Variants in PCED1B observed in about 807,000 individuals in gnomAD.
PCED1B encodes the protein PC-esterase domain containing 1B.
For synonymous variants in PCED1B, 251 were observed against 246.1 expected (o/e 1.02, Z -0.19); for missense variants, 573 against 573.9 (o/e 1.00, Z 0.02).
chr12:47,162,130 GA>G (rs758323611), intron 2 of PCED1B, among the ~76,000 whole-genome samples: 8 of 150,786 alleles, frequency 5.3e-5, no homozygotes, highest in South Asian at 4.2e-4. Context: ...GTGGGGGGGG[GA>G]AGGATAGCAT....
chr12:47,083,287 G>T (rs1269565584), intron 1 of PCED1B, among the ~76,000 whole-genome samples: 1 of 151,902 alleles, frequency 6.6e-6, no homozygotes, highest in Non-Finnish European at 1.5e-5. Flanking sequence ...ACTCTACCAC[G>T]CGTCCTGTAG....
intron 2 of PCED1B, among the ~76,000 whole-genome samples, chr12:47,174,336 G>A (rs1481339665): frequency 6.6e-6 from 1 of 151,772 alleles, no homozygotes; most frequent in Non-Finnish European, 1.5e-5. Flanking sequence ...TTGAACCTGG[G>A]AGGTGGAGGT....
chr12:47,129,372 C>T (rs1461856203), intron 2 of PCED1B, among the ~76,000 whole-genome samples: 1 of 152,018 alleles, frequency 6.6e-6, no homozygotes, highest in Non-Finnish European at 1.5e-5. Context: ...ACCTGTGGTT[C>T]CAGCTACTTA....
rs547831989 is a variant in PCED1B, at chr12:47,192,834, C to T, written c.-525-23388C>T. On this transcript the variant is annotated intron_variant, in intron 2 of 3. Coordinates refer to ENST00000546455, the MANE Select transcript of PCED1B (RefSeq NM_138371.3). ...TCCTTGAGACAAGTACTATCATTAACCCCAACTGAGGAAACTAAGGCTCGG... is the reference window on the plus strand; with the variant it reads ...TCCTTGAGACAAGTACTATCATTAATCCCAACTGAGGAAACTAAGGCTCGG... 1.2e-4 allele frequency among the ~76,000 whole-genome samples: 18 copies of T among 152,272 alleles called. No homozygotes were observed. In the South Asian group the frequency reaches 1.2e-3, roughly 11 times the overall value.
Position 47,235,976 on chromosome 12 carries a change from T to C in PCED1B, c.913T>C (p.Phe305Leu). The change falls in exon 4 of 4, where the codon TTC becomes CTC. Residue 305 changes from phenylalanine (F) to leucine (L), a missense_variant. Transcript: ENST00000546455. ...CCCCACATACCGCCCCCTGCTTGGG[T>C]TCCCACCCCAGCGCTTGCCGCTGCT... ...PSPTYRPLLGFPPQRLPLLPL... is the reference protein window; with the variant it reads ...PSPTYRPLLGLPPQRLPLLPL... 1.2e-6 allele frequency: 2 copies of C among 1,605,022 alleles called. No individual in the cohort carries two copies. The highest frequency in any genetic ancestry group is 1.7e-6 in the Non-Finnish European group (2 of 1,176,310).
chr12:47,123,305 C>T (rs1939755462), intron 2 of PCED1B, among the ~76,000 whole-genome samples: 2 of 152,138 alleles, frequency 1.3e-5, no homozygotes, highest in Non-Finnish European at 2.9e-5. Flanking sequence ...ATATAACAGA[C>T]ATTACTTGAG....
intron 2 of PCED1B, among the ~76,000 whole-genome samples, chr12:47,111,983 C>T (rs542450908): frequency 6.2e-4 from 95 of 152,214 alleles, no homozygotes; most frequent in Non-Finnish European, 7.6e-4. Context: ...TGGTGGGGGT[C>T]GTGTAGCCCC....
At chr12:47,110,853 A>T (rs1333047420) in intron 2 of PCED1B, among the ~76,000 whole-genome samples, 2 of 152,192 alleles carry the variant, frequency 1.3e-5, no homozygotes, top group African/African-American at 2.4e-5. Context: ...GCTTGGTCCA[A>T]CGTGAAGTTT....
intron 2 of PCED1B, among the ~76,000 whole-genome samples, chr12:47,107,013 C>T (rs1392019407): frequency 2.0e-5 from 3 of 152,160 alleles, no homozygotes; most frequent in Non-Finnish European, 2.9e-5. Context: ...GTCCCCTACC[C>T]CCATCTCAGT....
At position 47,100,046 on chromosome 12, in the gene PCED1B, A is replaced by G. The variant is rs961295570; in HGVS notation, c.-608-4067A>G. On this transcript the variant is annotated intron_variant, in intron 1 of 3. Transcript: ENST00000546455. ...AAAAAGGACCATTCTCACAGATTCT[A>G]TTTAAGACCAATGTGGAAATATTAA... Among the ~76,000 whole-genome samples, 2 of 152,246 alleles carry G rather than the reference A, an allele frequency of 1.3e-5. 1 individual carries two copies. Among genetic ancestry groups the G allele is most frequent in the South Asian group, 4.1e-4 (2 of 4,834 alleles).
chr12:47,142,632 A>G (rs11611234), intron 2 of PCED1B, among the ~76,000 whole-genome samples: 3 of 152,150 alleles, frequency 2.0e-5, no homozygotes, highest in African/African-American at 7.2e-5. Context: ...ATAGAAAAGA[A>G]CCAAACAAAA....
chr12:47,090,263 A>G (rs1938206962), intron 1 of PCED1B, among the ~76,000 whole-genome samples: 1 of 152,328 alleles, frequency 6.6e-6, no homozygotes, highest in Non-Finnish European at 1.5e-5. Flanking sequence ...ACGAACAGAG[A>G]ACTCATATCA....
intron 2 of PCED1B, among the ~76,000 whole-genome samples, chr12:47,146,998 C>CTTTTTTTTTTTTTTTT (rs59400736): frequency 1.0e-5 from 1 of 98,990 alleles, no homozygotes; most frequent in Non-Finnish European, 1.9e-5. Flanking sequence ...GTTCATTGCT[C>CTTTTTTTTTTTTTTTT]TTTTTTTTTT....
At position 47,134,732 on chromosome 12, in the gene PCED1B, G is replaced by C. The variant is rs555123498; in HGVS notation, c.-526+30537G>C. Among the ~76,000 whole-genome samples, 7 of 152,294 alleles carry C rather than the reference G, an allele frequency of 4.6e-5. No individual in the cohort carries two copies. In the East Asian group the frequency reaches 1.4e-3, roughly 29 times the overall value. ...AAAATACAAAAATTAGCTGGGCGTGGTGGCGGGCGCCTGTAGTCCCAGCTA... is the reference window on the plus strand; with the variant it reads ...AAAATACAAAAATTAGCTGGGCGTGCTGGCGGGCGCCTGTAGTCCCAGCTA... On this transcript the variant is annotated intron_variant, in intron 2 of 3. Coordinates refer to ENST00000546455, the MANE Select transcript of PCED1B (RefSeq NM_138371.3).
intron 1 of PCED1B, among the ~76,000 whole-genome samples, chr12:47,084,796 T>C (rs1180920845): frequency 6.6e-6 from 1 of 152,188 alleles, no homozygotes; most frequent in African/African-American, 2.4e-5. Flanking sequence ...CTACCAAAAT[T>C]ACAAGGTGAG....
intron 3 of PCED1B, among the ~76,000 whole-genome samples, chr12:47,229,338 C>T (rs959199215): frequency 6.6e-6 from 1 of 151,066 alleles, no homozygotes; most frequent in East Asian, 1.9e-4. Flanking sequence ...CGCTTGAACC[C>T]AAGAGGCAGA....
chr12:47,230,199 C>T (rs1167024582), intron 3 of PCED1B, among the ~76,000 whole-genome samples: 2 of 149,298 alleles, frequency 1.3e-5, no homozygotes, highest in Non-Finnish European at 3.0e-5. Context: ...TTTCTCCTGC[C>T]TCAGCCTCCC....
intron 2 of PCED1B, among the ~76,000 whole-genome samples, chr12:47,150,332 T>C (rs1448078749): frequency 6.6e-6 from 1 of 151,816 alleles, no homozygotes; most frequent in African/African-American, 2.4e-5. Flanking sequence ...TCCCAGCACT[T>C]TGGGAGGTCA....
At chr12:47,096,986 C>A (rs1257974101) in intron 1 of PCED1B, among the ~76,000 whole-genome samples, 2 of 152,130 alleles carry the variant, frequency 1.3e-5, no homozygotes, top group African/African-American at 4.8e-5. Flanking sequence ...TATACCCAGT[C>A]GAATTCAAAC....
Sources: gnomAD v4.1 joint callset for allele counts (sites outside exome capture counted in the v4.1 genomes callset) on GRCh38, gnomAD v4.1.1 for gene constraint, MANE v1.5 for transcripts, NCBI Gene and HGNC (gene_info 2026-07-23, HGNC 2026-07-21) for gene names.